CHST11: variants seen among roughly 807,000 people sequenced by gnomAD.
CHST11 encodes the protein C4S-1.
Under a neutral mutation model 30.4 loss-of-function variants are expected in CHST11, and 9 were observed. The observed-to-expected ratio is 0.30, with a 90% CI of 0.18 to 0.52. The LOEUF (loss-of-function observed/expected upper bound fraction) is 0.52, where lower values mean the gene tolerates loss of function less well. Ranked by LOEUF, CHST11 falls within the 20% of genes least tolerant of loss-of-function variation. The probability of loss-of-function intolerance (pLI) is 0.97; values close to 1 mark genes in which losing one functional copy is unlikely to be tolerated. For synonymous variants in CHST11, 152 were observed against 187.8 expected (o/e 0.81, Z 1.56); for missense variants, 348 against 460.6 (o/e 0.76, Z 2.24).
intron 1 of CHST11, among the ~76,000 whole-genome samples, chr12:104,541,966 A>G (rs2038291532): frequency 2.0e-5 from 3 of 152,218 alleles, no homozygotes; most frequent in Admixed American, 6.5e-5. Flanking sequence ...TACCAGAGGT[A>G]ATAACTGAAT....
chr12:104,702,553 A>G (rs1000521294), intron 2 of CHST11, among the ~76,000 whole-genome samples: 1 of 152,038 alleles, frequency 6.6e-6, no homozygotes, highest in African/African-American at 2.4e-5. Flanking sequence ...CTGATGGGAC[A>G]TGGGAGGACT....
chr12:104,514,454 C>T, intron 1 of CHST11: 1 of 802,810 alleles, frequency 1.2e-6, no homozygotes, highest in South Asian at 1.4e-5. Context: ...CTGTGGGGGT[C>T]ACCTGCCTGT....
chr12:104,526,231 A>C (rs1263578593), intron 1 of CHST11, among the ~76,000 whole-genome samples: 1 of 151,804 alleles, frequency 6.6e-6, no homozygotes, highest in Non-Finnish European at 1.5e-5. Context: ...AAAAAAGAAA[A>C]GAAAAGAAAA....
intron 2 of CHST11, among the ~76,000 whole-genome samples, chr12:104,707,012 T>A (rs1020678639): frequency 2.6e-5 from 4 of 152,192 alleles, no homozygotes; most frequent in Non-Finnish European, 5.9e-5. Flanking sequence ...TCCCACCTCC[T>A]GCCAAGGCCA....
intron 2 of CHST11, among the ~76,000 whole-genome samples, chr12:104,695,261 T>G (rs2039933431): frequency 2.6e-5 from 4 of 152,132 alleles, no homozygotes. Flanking sequence ...ATGTGCCAGC[T>G]ATTGTGGGGA....
rs1391733811 is a variant in CHST11 at position 104,513,127 on chromosome 12, G to T, written c.118+55598G>T. 8.4e-5 allele frequency among the ~76,000 whole-genome samples: 9 copies of T among 107,778 alleles called. No homozygotes were observed. The East Asian group carries it at 1.1e-3, about 14-fold the overall frequency. The allele number at this position is 107,778 out of a possible 152,430, so 70.7% of individuals were successfully genotyped here. A position where few individuals can be genotyped will look rare whatever the true frequency, so the allele number is the denominator to read the frequency against. On this transcript the variant is annotated intron_variant, in intron 1 of 2. Coordinates refer to ENST00000303694, the MANE Select transcript of CHST11 (RefSeq NM_018413.6). ...AGTGCTTCCAAATGTCATGACTGGG[G>T]GGGGGGGGGGTTGGGGGTGGGGAGG... is the stretch of plus-strand genomic sequence containing the variant.
At chr12:104,627,993 C>A (rs911957776) in intron 2 of CHST11, among the ~76,000 whole-genome samples, 4 of 152,190 alleles carry the variant, frequency 2.6e-5, no homozygotes, top group Non-Finnish European at 4.4e-5. Flanking sequence ...AATGCCAAGG[C>A]CCAAAGAAGT....
intron 2 of CHST11, among the ~76,000 whole-genome samples, chr12:104,621,931 C>T: frequency 6.6e-6 from 1 of 152,210 alleles, no homozygotes; most frequent in East Asian, 1.9e-4. Flanking sequence ...AGTCCGGCAG[C>T]AGCGTGGTGA....
chr12:104,630,629 A>G (rs1481697347), intron 2 of CHST11, among the ~76,000 whole-genome samples: 1 of 152,220 alleles, frequency 6.6e-6, no homozygotes, highest in Non-Finnish European at 1.5e-5. Context: ...CCACCAGGCG[A>G]AAATGGGCAA....
chr12:104,631,280 T>A (rs2039267405), intron 2 of CHST11, among the ~76,000 whole-genome samples: 1 of 152,206 alleles, frequency 6.6e-6, no homozygotes, highest in African/African-American at 2.4e-5. Flanking sequence ...CCGGGGCAAG[T>A]CATTCACTCT....
chr12:104,738,424 T>C lies in CHST11; in HGVS notation c.205-18525T>C, dbSNP rs534190834. ...TTCTTGGGAAAATCATTCCCTGCTC[T>C]CCCAAGCTGGAACGGCACTCCTGTG... On this transcript the variant is annotated intron_variant, in intron 2 of 2. Coordinates refer to ENST00000303694, the MANE Select transcript of CHST11 (RefSeq NM_018413.6). Among the ~76,000 whole-genome samples, 15 of 152,356 alleles carry C rather than the reference T, an allele frequency of 9.8e-5. No homozygotes were observed. In the East Asian group the frequency reaches 2.9e-3, roughly 29 times the overall value.
chr12:104,658,990 T>G (rs1229712746), intron 2 of CHST11, among the ~76,000 whole-genome samples: 2 of 152,228 alleles, frequency 1.3e-5, no homozygotes, highest in Non-Finnish European at 2.9e-5. Context: ...ATAAACCACT[T>G]CTACTTCACT....
In CHST11 at chr12:104,475,688, A is replaced by ATATT. The variant is rs1555226435; in HGVS notation, c.118+18161_118+18164dup. Among the ~76,000 whole-genome samples, 754 of 77,416 alleles carry ATATT rather than the reference A, an allele frequency of 9.7e-3. 9 individuals are homozygous for ATATT. The highest frequency in any genetic ancestry group is 0.013 in the South Asian group (30 of 2,282). 50.8% of individuals were successfully genotyped at this position (77,416 alleles called of 152,430 possible). On this transcript the variant is annotated intron_variant, in intron 1 of 2. Transcript: ENST00000303694. ...TATATATATATATATATATATATATATATTTCTGATTATGAAATTAATTCA... is the reference window on the plus strand; with the variant it reads ...TATATATATATATATATATATATATATATTTATTTCTGATTATGAAATTAATTCA...
chr12:104,660,739 G>A (rs1015331686), intron 2 of CHST11, among the ~76,000 whole-genome samples: 4 of 152,128 alleles, frequency 2.6e-5, no homozygotes, highest in South Asian at 2.1e-4. Flanking sequence ...AAAGGGGTGC[G>A]TATCTGCCAT....
chr12:104,686,543 C>G (rs933043721), intron 2 of CHST11, among the ~76,000 whole-genome samples: 1 of 152,234 alleles, frequency 6.6e-6, no homozygotes, highest in African/African-American at 2.4e-5. Flanking sequence ...TGTAGGACTT[C>G]TGGACAAGAT....
At chr12:104,513,925 G>A (rs1001418574) in intron 1 of CHST11, 2 of 509,650 alleles carry the variant, frequency 3.9e-6, no homozygotes, top group Admixed American at 6.2e-5. Flanking sequence ...TGCTATAAAG[G>A]AATACCTGAG....
At chr12:104,527,756 C>T (rs1592747148) in intron 1 of CHST11, among the ~76,000 whole-genome samples, 2 of 152,176 alleles carry the variant, frequency 1.3e-5, no homozygotes, top group East Asian at 3.8e-4. Context: ...AAAGAACTAC[C>T]TCAGACTGTG....
intron 2 of CHST11, among the ~76,000 whole-genome samples, chr12:104,751,311 G>A (rs78906065): frequency 0.064 from 9,711 of 152,256 alleles, 795 homozygotes; most frequent in African/African-American, 0.19. Context: ...ATTGCCTTCA[G>A]AATTGTCCTT....
chr12:104,550,403 C>T (rs943819124), intron 1 of CHST11, among the ~76,000 whole-genome samples: 4 of 152,182 alleles, frequency 2.6e-5, no homozygotes, highest in East Asian at 3.8e-4. Context: ...CCTTGTTCCT[C>T]GAAGGCAGGG....
Sources: gnomAD v4.1 joint callset for allele counts (sites outside exome capture counted in the v4.1 genomes callset) on GRCh38, gnomAD v4.1.1 for gene constraint, MANE v1.5 for transcripts, NCBI Gene and HGNC (gene_info 2026-07-23, HGNC 2026-07-21) for gene names.